Variants in RALGPS1 observed in about 807,000 individuals in gnomAD.
RALGPS1 encodes the protein ras-specific guanine nucleotide-releasing factor RalGPS1.
Under a neutral mutation model 78.8 loss-of-function variants are expected in RALGPS1, and 19 were observed. The ratio of observed to expected loss-of-function variants is 0.24; its 90% confidence interval spans 0.17 to 0.35. RALGPS1 has a LOEUF of 0.35. RALGPS1 is among the 10% of genes least tolerant of loss of function. The pLI is 1.00. For missense variants in RALGPS1, 454 were observed against 688.3 expected (o/e 0.66, Z 3.81); for synonymous variants, 228 against 256.3 (o/e 0.89, Z 1.06).
In RALGPS1 at chr9:126,919,830, G is replaced by A. The variant is rs778173076; in HGVS notation, c.-66+4855G>A. ...TCACATGCTGTGTGTGGAGATCGGC[G>A]CACAAGCCATTGATTACCAAACAGT... On this transcript the variant is annotated intron_variant, in intron 1 of 18. Coordinates refer to ENST00000259351, the MANE Select transcript of RALGPS1 (RefSeq NM_014636.3). 2.6e-5 allele frequency among the ~76,000 whole-genome samples: 4 copies of A among 152,222 alleles called. No individual in the cohort carries two copies. In the South Asian group the frequency reaches 6.2e-4, roughly 24 times the overall value.
intron 11 of RALGPS1, among the ~76,000 whole-genome samples, chr9:127,187,051 C>A (rs1446732807): frequency 6.6e-6 from 1 of 152,178 alleles, no homozygotes; most frequent in Admixed American, 6.5e-5. Flanking sequence ...GACTTGGAGC[C>A]TCCGCGTCTC....
intron 4 of RALGPS1, among the ~76,000 whole-genome samples, chr9:127,030,946 G>A (rs996321039): frequency 6.6e-6 from 1 of 152,204 alleles, no homozygotes; most frequent in Admixed American, 6.5e-5. Flanking sequence ...GAAGGTCTCA[G>A]CAGCACCTGG....
chr9:126,960,433 C>T (rs1385800956), intron 1 of RALGPS1, among the ~76,000 whole-genome samples: 1 of 151,760 alleles, frequency 6.6e-6, no homozygotes, highest in African/African-American at 2.4e-5. Context: ...GAGGTTTCAC[C>T]ATGTTGGCCA....
intron 4 of RALGPS1, 195 bp downstream of exon 4, chr9:126,977,940 C>A: frequency 2.2e-6 from 1 of 463,688 alleles, no homozygotes; most frequent in Admixed American, 4.4e-5. Flanking sequence ...GAATGTCTCC[C>A]GTCTGGCCTA....
chr9:127,116,933 G>T (rs1326080493), intron 8 of RALGPS1, among the ~76,000 whole-genome samples: 1 of 152,214 alleles, frequency 6.6e-6, no homozygotes, highest in Non-Finnish European at 1.5e-5. Flanking sequence ...CCAGGGCCAG[G>T]TTTCTTACCC....
chr9:127,046,515 C>T (rs187762202), intron 5 of RALGPS1, among the ~76,000 whole-genome samples: 12 of 152,112 alleles, frequency 7.9e-5, no homozygotes, highest in South Asian at 2.1e-4. Context: ...TTATTGATTT[C>T]GATTCCTCCA....
At position 127,034,419 on chromosome 9, in the gene RALGPS1, T is replaced by C. The variant is rs1235855384; in HGVS notation, c.217-12T>C. ...CTAGAATCACTGTTGAAATTCATTC[T>C]GTGCTTCCTAGGAACTAGCCAGCTG... On this transcript the variant is annotated splice_polypyrimidine_tract_variant and intron_variant, in intron 4 of 18. Transcript: ENST00000259351. The C allele has an allele frequency of 5.6e-6, 9 of 1,612,212 alleles. No homozygotes were observed. The highest frequency in any genetic ancestry group is 7.6e-6 in the Non-Finnish European group (9 of 1,178,398).
intron 4 of RALGPS1, among the ~76,000 whole-genome samples, chr9:126,988,825 G>A (rs926809278): frequency 6.6e-6 from 1 of 152,208 alleles, no homozygotes; most frequent in Non-Finnish European, 1.5e-5. Context: ...TGCCCACTTA[G>A]GGAGCAGCAG....
intron 11 of RALGPS1, among the ~76,000 whole-genome samples, chr9:127,177,706 C>T (rs977402861): frequency 6.6e-6 from 1 of 152,178 alleles, no homozygotes; most frequent in African/African-American, 2.4e-5. Flanking sequence ...TAATTGGGGG[C>T]CTCAAGAATG....
chr9:126,955,108 T>G (rs908966888), intron 1 of RALGPS1, among the ~76,000 whole-genome samples: 9 of 152,248 alleles, frequency 5.9e-5, no homozygotes, highest in African/African-American at 2.2e-4. Flanking sequence ...GAGTCCTTCC[T>G]TGACCATCCT....
chr9:127,174,692 C>T (rs756767965), intron 10 of RALGPS1, 23 bp from the exon 11 acceptor site: 2 of 1,612,244 alleles, frequency 1.2e-6, no homozygotes, highest in South Asian at 1.1e-5. Context: ...CCCATCTGAT[C>T]TTATGAAAAT....
intron 1 of RALGPS1, among the ~76,000 whole-genome samples, chr9:126,943,417 A>G (rs996111735): frequency 7.9e-5 from 12 of 152,168 alleles, no homozygotes; most frequent in Non-Finnish European, 1.5e-4. Context: ...TGCTGGGATT[A>G]CAGGCGTGAA....
intron 11 of RALGPS1, among the ~76,000 whole-genome samples, chr9:127,178,967 C>G (rs1230836931): frequency 6.6e-6 from 1 of 152,230 alleles, no homozygotes; most frequent in African/African-American, 2.4e-5. Flanking sequence ...AGGGCCCAGT[C>G]TAGAATTCCT....
intron 7 of RALGPS1, among the ~76,000 whole-genome samples, chr9:127,055,720 A>G (rs1039920107): frequency 3.9e-4 from 60 of 152,230 alleles, no homozygotes; most frequent in African/African-American, 1.4e-3. Context: ...ACCATACCCC[A>G]CTGAACAAAA....
rs2061863478 is a variant in RALGPS1 at position 127,205,152 on chromosome 9, T to C, written c.1247+6086T>C. On this transcript the variant is annotated intron_variant, in intron 14 of 18. Transcript: ENST00000259351. This position sits in a 1 kb window ranked among gnomAD's most constrained non-coding sequence, Gnocchi z 4.0. ...GCTGCCTGGTGCCTGGCTTCAGTGC[T>C]CTGGACAGTTGGCCTATCTCTCCTG... 6.6e-6 allele frequency among the ~76,000 whole-genome samples: 1 copy of C among 152,230 alleles called. No individual in the cohort carries two copies. Among genetic ancestry groups the C allele is most frequent in the Non-Finnish European group, 1.5e-5 (1 of 68,032 alleles).
rs2062772863 is a variant in RALGPS1, at chr9:127,221,462, A to G, written c.*2693A>G. On this transcript the variant is annotated 3_prime_UTR_variant, in exon 19 of 19. Coordinates refer to ENST00000259351, the MANE Select transcript of RALGPS1 (RefSeq NM_014636.3). ...TGGTAGCTGGTAACATTGTTGTCTCAAGAACAACTCACCTCTCTCCCTAGG... is the reference window on the plus strand; with the variant it reads ...TGGTAGCTGGTAACATTGTTGTCTCGAGAACAACTCACCTCTCTCCCTAGG... 1 of 152,186 alleles carries G rather than the reference A, an allele frequency of 6.6e-6. No individual in the cohort carries two copies. The highest frequency in any genetic ancestry group is 2.1e-4 in the South Asian group (1 of 4,822). 9.4% of individuals were successfully genotyped at this position (152,186 alleles called of 1,614,324 possible).
chr9:127,144,752 C>G (rs767007076), intron 8 of RALGPS1, among the ~76,000 whole-genome samples: 2 of 152,224 alleles, frequency 1.3e-5, no homozygotes, highest in African/African-American at 4.8e-5. Context: ...CACAAAAGGT[C>G]TCATATTATA....
At chr9:127,101,623 G>A (rs2053740042) in intron 8 of RALGPS1, among the ~76,000 whole-genome samples, 1 of 152,182 alleles carries the variant, frequency 6.6e-6, no homozygotes, top group Admixed American at 6.6e-5. Context: ...CACAACAGAT[G>A]ATAATCCACA....
intron 11 of RALGPS1, among the ~76,000 whole-genome samples, chr9:127,180,880 G>A (rs1212012272): frequency 6.6e-6 from 1 of 152,268 alleles, no homozygotes; most frequent in Admixed American, 6.5e-5. Flanking sequence ...GCTGCCAGAT[G>A]GGGCTTGAGC....
Sources: allele counts gnomAD v4.1 joint callset (sites outside exome capture counted in the v4.1 genomes callset), GRCh38; gene constraint gnomAD v4.1.1; non-coding constraint Gnocchi (gnomAD v3.1); transcripts MANE v1.5; gene names NCBI Gene and HGNC (gene_info 2026-07-23, HGNC 2026-07-21).